Variants in ERCC8 observed in about 807,000 individuals in gnomAD.
ERCC8 encodes the protein DNA excision repair protein ERCC-8.
In ERCC8, 52 loss-of-function variants were observed where a neutral mutation model predicts 54.9. That is an observed-to-expected ratio of 0.95 (90% CI 0.76 to 1.19). The LOEUF (loss-of-function observed/expected upper bound fraction) is 1.19, where lower values mean the gene tolerates loss of function less well. Ranked by LOEUF, ERCC8 falls within the 50% of genes most tolerant of loss-of-function variation. The pLI is 0.00. For synonymous variants in ERCC8, 146 were observed against 157.2 expected (o/e 0.93, Z 0.53); for missense variants, 514 against 466.1 (o/e 1.10, Z -0.95).
intron 1 of ERCC8, among the ~76,000 whole-genome samples, chr5:60,938,033 A>G (rs1376956278): frequency 6.2e-5 from 1 of 16,222 alleles, no homozygotes; most frequent in African/African-American, 1.4e-4. Context: ...GTATACATAC[A>G]TACATACATA....
intron 1 of ERCC8, among the ~76,000 whole-genome samples, chr5:60,936,411 T>C (rs1750067601): frequency 6.6e-6 from 1 of 152,218 alleles, no homozygotes; most frequent in Admixed American, 6.5e-5. Context: ...CTCTCTTCTT[T>C]TGTTGGTTAA....
At chr5:60,944,834 G>A in intron 1 of ERCC8, 98 bp downstream of exon 1, 1 of 896,468 alleles carries the variant, frequency 1.1e-6, no homozygotes, top group South Asian at 1.3e-5. Flanking sequence ...TAGTTTGGTG[G>A]CAGGAGAGCG....
chr5:60,882,480 T>C (rs1371512257), intron 11 of ERCC8, among the ~76,000 whole-genome samples: 1 of 152,170 alleles, frequency 6.6e-6, no homozygotes, highest in Non-Finnish European at 1.5e-5. Flanking sequence ...CTGCAACCTC[T>C]GCCCCCCAGG....
intron 4 of ERCC8, chr5:60,915,377 G>A (rs993302909): frequency 3.3e-5 from 5 of 152,024 alleles, no homozygotes; most frequent in Non-Finnish European, 7.4e-5. Context: ...AGGTAGGAGA[G>A]GGAAGATCAT....
chr5:60,944,789 T>C, intron 1 of ERCC8, 143 bp downstream of exon 1: 1 of 450,046 alleles, frequency 2.2e-6, no homozygotes, highest in Non-Finnish European at 4.3e-6. Flanking sequence ...AGGGATCCTA[T>C]TTTAGCAAGC....
chr5:60,895,035 G>C (rs1452296585), intron 9 of ERCC8, among the ~76,000 whole-genome samples: 1 of 151,990 alleles, frequency 6.6e-6, no homozygotes, highest in Non-Finnish European at 1.5e-5. Context: ...GCCAGGCCTG[G>C]TGGCGGGTAC....
In ERCC8 at chr5:60,872,911, C is replaced by T. The variant is rs1747894075; in HGVS notation, c.*1704G>A. Among the ~76,000 whole-genome samples, 1 of 152,170 alleles carries T rather than the reference C, an allele frequency of 6.6e-6. No individual in the cohort carries two copies. Among genetic ancestry groups the T allele is most frequent in the African/African-American group, 2.4e-5 (1 of 41,434 alleles). On this transcript the variant is annotated 3_prime_UTR_variant, in exon 12 of 12. Coordinates refer to ENST00000676185, the MANE Select transcript of ERCC8 (RefSeq NM_000082.4). The stretch of plus-strand genomic sequence containing the variant: ...ACAATAGCCAGGATATGGTATCAAC[C>T]TAAGCATCTGTCAATGGTTGAATGG...
rs558308031 is a variant in ERCC8 at position 60,912,659 on chromosome 5, T to C, written c.399+5606A>G. 1.0e-3 allele frequency among the ~76,000 whole-genome samples: 159 copies of C among 152,254 alleles called. 2 individuals carry two copies. Among genetic ancestry groups the C allele is most frequent in the African/African-American group, 3.7e-3 (155 of 41,504 alleles). ...TAGGAGTGGTGAGAGAGGGCATCCCTGTCTTGTGCCAGTTTTCAAAGGGAA... is the reference window on the plus strand; with the variant it reads ...TAGGAGTGGTGAGAGAGGGCATCCCCGTCTTGTGCCAGTTTTCAAAGGGAA... On this transcript the variant is annotated intron_variant, in intron 4 of 11. Coordinates refer to ENST00000676185, the MANE Select transcript of ERCC8 (RefSeq NM_000082.4).
chr5:60,941,078 A>G (rs1750243791), intron 1 of ERCC8, among the ~76,000 whole-genome samples: 1 of 152,140 alleles, frequency 6.6e-6, no homozygotes, highest in African/African-American at 2.4e-5. Context: ...ACTCTTGTGA[A>G]GCTGAGGCAG....
At chr5:60,930,382 C>T (rs1464541739) in intron 1 of ERCC8, among the ~76,000 whole-genome samples, 1 of 152,102 alleles carries the variant, frequency 6.6e-6, no homozygotes, top group Non-Finnish European at 1.5e-5. Context: ...CATGGTGAAA[C>T]CCCGTCTCTA....
chr5:60,893,357 C>A, intron 9 of ERCC8: 1 of 849,970 alleles, frequency 1.2e-6, no homozygotes, highest in Non-Finnish European at 2.1e-6. Context: ...GATAGACCTG[C>A]GTTTTTGTCT....
At chr5:60,927,440 A>G (rs1249073398) in intron 2 of ERCC8, among the ~76,000 whole-genome samples, 2 of 152,244 alleles carry the variant, frequency 1.3e-5, no homozygotes, top group Non-Finnish European at 2.9e-5. Flanking sequence ...ACCGTGCAAT[A>G]AAGCGGAAAA....
chr5:60,872,057 T>C lies in ERCC8; in HGVS notation c.*2558A>G, dbSNP rs1747874277. ...GCTCAAGTGATCTGCCTGTCTCAGC[T>C]CACAAAGTGTTAGGATTACAACCAC... On this transcript the variant is annotated 3_prime_UTR_variant, in exon 12 of 12. Transcript: ENST00000676185. Among the ~76,000 whole-genome samples the C allele has an allele frequency of 6.6e-6, 1 of 152,148 alleles. No individual in the cohort carries two copies. Among genetic ancestry groups the C allele is most frequent in the Non-Finnish European group, 1.5e-5 (1 of 68,020 alleles).
At chr5:60,898,483 A>T in intron 8 of ERCC8, 83 bp from the exon 9 acceptor site, 1 of 1,489,792 alleles carries the variant, frequency 6.7e-7, no homozygotes, top group Non-Finnish European at 9.3e-7. Flanking sequence ...AAACATATTA[A>T]AGGACAACTA....
rs4647172 is a variant in ERCC8, at chr5:60,873,068, G to A, written c.*1547C>T. Among the ~76,000 whole-genome samples, 738 of 152,202 alleles carry A rather than the reference G, an allele frequency of 4.8e-3. 5 individuals are homozygous for A. The highest frequency in any genetic ancestry group is 0.017 in the African/African-American group (698 of 41,528). On this transcript the variant is annotated 3_prime_UTR_variant, in exon 12 of 12. Coordinates refer to ENST00000676185, the MANE Select transcript of ERCC8 (RefSeq NM_000082.4). ...ATACAAAATTTCAGTTAAAAAGGGG[G>A]AATTAGTGCAAGAGACCTATTGCAC...
chr5:60,873,467 C>G lies in ERCC8; in HGVS notation c.*1148G>C, dbSNP rs1282845636. On this transcript the variant is annotated 3_prime_UTR_variant, in exon 12 of 12. Coordinates refer to ENST00000676185, the MANE Select transcript of ERCC8 (RefSeq NM_000082.4). ...AGGCGGGTGGATCATTTGAGGTCAG[C>G]AGTTCGCAACCAGCCTGGCCAACAT... Among the ~76,000 whole-genome samples, 1 of 152,012 alleles carries G rather than the reference C, an allele frequency of 6.6e-6. No individual in the cohort carries two copies. Among genetic ancestry groups the G allele is most frequent in the East Asian group, 1.9e-4 (1 of 5,164 alleles).
At chr5:60,923,603 T>C (rs575588021) in intron 2 of ERCC8, among the ~76,000 whole-genome samples, 195 of 152,256 alleles carry the variant, frequency 1.3e-3, no homozygotes, top group African/African-American at 4.4e-3. Context: ...TATTTCAGGT[T>C]ATTTTCACTG....
intron 2 of ERCC8, among the ~76,000 whole-genome samples, chr5:60,923,004 G>A (rs1449651862): frequency 1.3e-5 from 2 of 152,074 alleles, no homozygotes; most frequent in East Asian, 3.8e-4. Context: ...AACAATCCAA[G>A]CCCATTCTAG....
chr5:60,909,256 A>AAAAAAAAAAAAAAAAAAAC, intron 4 of ERCC8, among the ~76,000 whole-genome samples: 1 of 137,292 alleles, frequency 7.3e-6, no homozygotes, highest in Non-Finnish European at 1.5e-5. Context: ...AAAAAAAAAA[A>AAAAAAAAAAAAAAAAAAAC]AAAAAAAAAA....
Sources: allele counts gnomAD v4.1 joint callset (sites outside exome capture counted in the v4.1 genomes callset), GRCh38; gene constraint gnomAD v4.1.1; transcripts MANE v1.5; gene names NCBI Gene and HGNC (gene_info 2026-07-23, HGNC 2026-07-21).